The following ABCC1 variants were observed in gnomAD, a reference collection of about 807,000 sequenced individuals.
ABCC1 encodes ATP binding cassette subfamily C member 1 (ABCC1 blood group).
A neutral mutation model predicts 172.9 loss-of-function variants in ABCC1; 83 were observed. The ratio of observed to expected loss-of-function variants is 0.48; its 90% confidence interval spans 0.40 to 0.58. The LOEUF is 0.58. ABCC1 is among the 20% of genes least tolerant of loss of function. The pLI, the probability that ABCC1 is intolerant of heterozygous loss-of-function variation, is 0.00. For missense variants in ABCC1, 1,817 were observed against 2,002.7 expected (o/e 0.91, Z 1.77); for synonymous variants, 937 against 825.2 (o/e 1.14, Z -2.32).
intron 10 of ABCC1, 47 bp downstream of exon 10, chr16:16,048,350 A>T (rs773627197): frequency 4.4e-6 from 7 of 1,605,478 alleles, no homozygotes; most frequent in African/African-American, 1.3e-5. Context: ...AGGGACTTCT[A>T]CGTGTGGGCA....
chr16:16,044,630 C>T lies in ABCC1; in HGVS notation c.990C>T (p.Phe330=). The change falls in exon 8 of 31, where the codon TTC becomes TTT. Residue 330 remains phenylalanine (F), a synonymous_variant. Coordinates refer to ENST00000399410, the MANE Select transcript of ABCC1 (RefSeq NM_004996.4). ...GGCCCTACTTCCTCATGAGCTTCTT[C>T]TTCAAGGCCATCCACGACCTGATGA... ...TFGPYFLMSF[F]FKAIHDLMMF... is the part of the protein sequence containing the mutation. 6.2e-7 allele frequency: 1 copy of T among 1,614,172 alleles called. No individual in the cohort carries two copies. Among genetic ancestry groups the T allele is most frequent in the East Asian group, 2.2e-5 (1 of 44,874 alleles).
chr16:16,113,855 A>G (rs968732034), intron 22 of ABCC1, among the ~76,000 whole-genome samples: 8 of 152,140 alleles, frequency 5.3e-5, no homozygotes, highest in Admixed American at 5.2e-4. Context: ...ATCATCAGGC[A>G]TTAGTTAGAT....
chr16:16,087,879 T>TC (rs2051075671), intron 18 of ABCC1, among the ~76,000 whole-genome samples: 2 of 152,248 alleles, frequency 1.3e-5, no homozygotes, highest in Non-Finnish European at 2.9e-5. Context: ...TGTATTTTTT[T>TC]CAAGTCTTTT....
intron 1 of ABCC1, among the ~76,000 whole-genome samples, chr16:15,950,518 G>T (rs989844962): frequency 6.6e-6 from 1 of 152,096 alleles, no homozygotes; most frequent in Admixed American, 6.6e-5. Flanking sequence ...TGCAACACGT[G>T]GAGCTCCTCT....
At chr16:15,999,866 C>CTTTCCTTTTCTTTTCTTTTCT (rs2047227799) in intron 1 of ABCC1, among the ~76,000 whole-genome samples, 1 of 63,060 alleles carries the variant, frequency 1.6e-5, no homozygotes, top group Non-Finnish European at 4.7e-5. Flanking sequence ...TTCTTTCTTT[C>CTTTCCTTTTCTTTTCTTTTCT]TTTCTTTCAG....
intron 19 of ABCC1, among the ~76,000 whole-genome samples, chr16:16,091,217 T>A (rs961728946): frequency 6.6e-6 from 1 of 151,886 alleles, no homozygotes; most frequent in Non-Finnish European, 1.5e-5. Context: ...TCGCTCCAGC[T>A]CAGGAGTTTG....
rs936218158 is a variant in ABCC1, at chr16:16,055,738, G to T, written c.1474-354G>T. 6.1e-5 allele frequency among the ~76,000 whole-genome samples: 9 copies of T among 148,412 alleles called. No homozygotes were observed. In the East Asian group the frequency reaches 7.9e-4, roughly 13 times the overall value. The stretch of plus-strand genomic sequence containing the variant: ...GTCTAACCTAACGTGATTTGAAGGG[G>T]TTTTTTTTTTCTTGATAGCGGGGTC... On this transcript the variant is annotated intron_variant, in intron 11 of 30. Transcript: ENST00000399410.
chr16:16,036,665 C>CT (rs2048771942), intron 7 of ABCC1, 62 bp downstream of exon 7: 1 of 1,575,210 alleles, frequency 6.3e-7, no homozygotes, highest in Non-Finnish European at 8.7e-7. Flanking sequence ...CTCCTGTGGC[C>CT]TCAATCCAGG....
chr16:16,105,085 G>A (rs925132420), intron 20 of ABCC1, among the ~76,000 whole-genome samples: 57 of 152,348 alleles, frequency 3.7e-4, no homozygotes, highest in African/African-American at 1.2e-3. Context: ...ACAGTGCAGC[G>A]GCGGGCTGAA....
chr16:16,024,127 G>A (rs900765766), intron 5 of ABCC1, among the ~76,000 whole-genome samples: 56 of 152,258 alleles, frequency 3.7e-4, no homozygotes, highest in African/African-American at 1.3e-3. Context: ...GCTCAGGCAG[G>A]AGAATTGCTT....
intron 1 of ABCC1, among the ~76,000 whole-genome samples, chr16:16,001,850 G>A (rs1349545591): frequency 3.3e-5 from 5 of 152,266 alleles, no homozygotes; most frequent in Admixed American, 6.5e-5. Context: ...AAATGTTACT[G>A]TAGGCACCCT....
chr16:16,050,431 C>T (rs1435541285), intron 10 of ABCC1, among the ~76,000 whole-genome samples: 1 of 151,680 alleles, frequency 6.6e-6, no homozygotes, highest in Non-Finnish European at 1.5e-5. Context: ...TGCATACCAG[C>T]TTGGGCAACA....
At position 16,016,573 on chromosome 16, in the gene ABCC1, C is replaced by T; in HGVS notation, c.567C>T (p.Ser189=). ...FSLLLIQLVL[S]CFSDRSPLFS... ...TCTTACTCATTCAGCTCGTCTTGTC[C>T]TGTTTCTCAGATCGCTCACCCCTGT... is the stretch of plus-strand genomic sequence containing the variant. The change falls in exon 5 of 31, where the codon TCC becomes TCT. Residue 189 remains serine (S), a synonymous_variant. Transcript: ENST00000399410. 1 of 1,614,162 alleles carries T rather than the reference C, an allele frequency of 6.2e-7. No homozygotes were observed. The highest frequency in any genetic ancestry group is 2.2e-5 in the East Asian group (1 of 44,882).
chr16:16,021,316 A>G lies in ABCC1; in HGVS notation c.615+4695A>G, dbSNP rs1043618775. Among the ~76,000 whole-genome samples, 7 of 147,232 alleles carry G rather than the reference A, an allele frequency of 4.8e-5. No homozygotes were observed. In the Admixed American group the frequency reaches 4.8e-4, roughly 10 times the overall value. Reference sequence around the variant, plus strand: ...GGCTTGGCATGGTGTCAAGAGCCTTATTTTTTTTTTTAATGTTGCATTTTG... The same window carrying G: ...GGCTTGGCATGGTGTCAAGAGCCTTGTTTTTTTTTTTAATGTTGCATTTTG... On this transcript the variant is annotated intron_variant, in intron 5 of 30. Transcript: ENST00000399410.
At chr16:16,024,429 G>C (rs764911048) in intron 5 of ABCC1, among the ~76,000 whole-genome samples, 3 of 152,040 alleles carry the variant, frequency 2.0e-5, no homozygotes, top group Non-Finnish European at 4.4e-5. Context: ...TCAGCTCACC[G>C]TGCCCTCCAC....
intron 14 of ABCC1, among the ~76,000 whole-genome samples, chr16:16,072,636 CA>C (rs1349797618): frequency 6.6e-6 from 1 of 152,008 alleles, no homozygotes; most frequent in Non-Finnish European, 1.5e-5. Context: ...TGCACCTGGC[CA>C]TGCATTTTTA....
intron 12 of ABCC1, among the ~76,000 whole-genome samples, chr16:16,061,797 G>C (rs1211387280): frequency 9.9e-5 from 12 of 121,032 alleles, no homozygotes; most frequent in African/African-American, 3.3e-4. Context: ...TTTTTGAGAT[G>C]GGGTCTCACA....
At chr16:15,952,231 TAA>T (rs891121596) in intron 1 of ABCC1, among the ~76,000 whole-genome samples, 2 of 152,216 alleles carry the variant, frequency 1.3e-5, no homozygotes, top group African/African-American at 4.8e-5. Flanking sequence ...TGGTTAGTAT[TAA>T]ATATTATTTT....
intron 28 of ABCC1, among the ~76,000 whole-genome samples, chr16:16,135,602 C>T (rs568334460): frequency 9.2e-5 from 14 of 152,088 alleles, no homozygotes; most frequent in Non-Finnish European, 1.3e-4. Context: ...ATTATAGGCA[C>T]GCACCACCAT....
Sources: allele counts gnomAD v4.1 joint callset (sites outside exome capture counted in the v4.1 genomes callset), GRCh38; gene constraint gnomAD v4.1.1; transcripts MANE v1.5; gene names NCBI Gene and HGNC (gene_info 2026-07-23, HGNC 2026-07-21).